Variants in EIF4E observed in about 807,000 individuals in gnomAD.
The protein encoded by EIF4E is eukaryotic translation initiation factor 4E.
For missense variants in EIF4E, 113 were observed against 265.6 expected (o/e 0.43, Z 3.99); for synonymous variants, 71 against 88.5 (o/e 0.80, Z 1.11).
intron 1 of EIF4E, among the ~76,000 whole-genome samples, chr4:98,928,138 AG>A (rs1001275544): frequency 2.0e-5 from 3 of 152,224 alleles, no homozygotes; most frequent in Non-Finnish European, 4.4e-5. Context: ...GGAAGAACAG[AG>A]GGATTGAGAC....
intron 1 of EIF4E, chr4:98,903,589 C>T (rs1430555522): frequency 2.4e-6 from 1 of 408,180 alleles, no homozygotes; most frequent in African/African-American, 2.1e-5. Flanking sequence ...AGCAATCCTC[C>T]CACCTTGGCC....
intron 6 of EIF4E, among the ~76,000 whole-genome samples, chr4:98,883,547 C>T (rs1344933324): frequency 8.6e-5 from 13 of 151,362 alleles, no homozygotes; most frequent in Non-Finnish European, 1.5e-4. Flanking sequence ...TACAGGCGCC[C>T]GCCACCACGC....
chr4:98,896,839 A>C (rs1338188953), intron 2 of EIF4E, among the ~76,000 whole-genome samples: 2 of 152,114 alleles, frequency 1.3e-5, no homozygotes, highest in East Asian at 3.9e-4. Context: ...GTGGTGGTGC[A>C]TGCCTGTGGG....
chr4:98,927,824 C>G (rs563091241), intron 1 of EIF4E, among the ~76,000 whole-genome samples: 4 of 152,134 alleles, frequency 2.6e-5, no homozygotes, highest in Non-Finnish European at 2.9e-5. Flanking sequence ...CTAATAAACC[C>G]CATTATGCAC....
At position 98,887,943 on chromosome 4, in the gene EIF4E, G is replaced by A. The variant is rs544813575; in HGVS notation, c.231C>T (p.Asn77=). Residue 77 remains asparagine (N), a synonymous_variant, in exon 4 of 7, where the codon AAC becomes AAT. Transcript: ENST00000450253. The surrounding 1 kb of genome is among the most constrained non-coding windows in gnomAD (Gnocchi z 4.0). ...TTAAATTACTAGACAACTGGATATG[G>A]TTGTACAGACTAGGTAAAAGAAAAT... ...DTVEDFWALY[N]HIQLSSNLMP... The A allele has an allele frequency of 6.2e-7, 1 of 1,612,172 alleles. No homozygotes were observed. The highest frequency in any genetic ancestry group is 1.1e-5 in the South Asian group (1 of 90,978).
At chr4:98,906,505 T>C (rs1724879709) in intron 1 of EIF4E, among the ~76,000 whole-genome samples, 1 of 152,092 alleles carries the variant, frequency 6.6e-6, no homozygotes, top group South Asian at 2.1e-4. Context: ...TTTACAAAAG[T>C]ATTATATTAG....
intron 1 of EIF4E, among the ~76,000 whole-genome samples, chr4:98,922,736 A>G (rs1450939581): frequency 3.3e-5 from 5 of 152,170 alleles, no homozygotes; most frequent in African/African-American, 1.2e-4. Context: ...CTATAAATCC[A>G]TATCCTTAAT....
rs760201987 is a variant in EIF4E at position 98,921,509 on chromosome 4, C to T, written c.18+7586G>A. 2.6e-4 allele frequency among the ~76,000 whole-genome samples: 40 copies of T among 152,070 alleles called. 1 individual carries two copies. The highest frequency in any genetic ancestry group is 5.0e-4 in the Non-Finnish European group (34 of 68,008). ...TCAGTCTCCCAAGTAGCTAGGACTA[C>T]AGGCACCCGTGACCACGCTTGGCTA... On this transcript the variant is annotated intron_variant, in intron 1 of 6. Coordinates refer to ENST00000450253, the MANE Select transcript of EIF4E (RefSeq NM_001968.5).
At chr4:98,889,873 C>T (rs555297141) in intron 3 of EIF4E, among the ~76,000 whole-genome samples, 3 of 151,992 alleles carry the variant, frequency 2.0e-5, no homozygotes, top group African/African-American at 7.2e-5. Flanking sequence ...ATTTAAGAGT[C>T]CTGAATAAAC....
intron 6 of EIF4E, among the ~76,000 whole-genome samples, chr4:98,883,164 C>A (rs1723770525): frequency 4.0e-5 from 6 of 151,610 alleles, no homozygotes; most frequent in Admixed American, 3.9e-4. Context: ...CCCAGCTATT[C>A]AGGAGGCTGA....
chr4:98,901,323 G>A (rs555189337), intron 2 of EIF4E, among the ~76,000 whole-genome samples: 5 of 151,664 alleles, frequency 3.3e-5, no homozygotes, highest in African/African-American at 9.7e-5. Context: ...TCAGCCTCCC[G>A]AGCAGCTGGG....
At chr4:98,924,081 A>ATT (rs368748064) in intron 1 of EIF4E, among the ~76,000 whole-genome samples, 64 of 146,078 alleles carry the variant, frequency 4.4e-4, no homozygotes, top group South Asian at 1.5e-3. Context: ...TCTTTTGTTT[A>ATT]TTTTTTTTTT....
chr4:98,885,488 C>T (rs1723879726), intron 5 of EIF4E, among the ~76,000 whole-genome samples: 1 of 152,096 alleles, frequency 6.6e-6, no homozygotes, highest in Non-Finnish European at 1.5e-5. Context: ...TGCTCTGTCA[C>T]CCTGGCTGGA....
intron 5 of EIF4E, among the ~76,000 whole-genome samples, chr4:98,885,807 T>C (rs1334226288): frequency 1.3e-5 from 2 of 152,212 alleles, no homozygotes; most frequent in Non-Finnish European, 2.9e-5. Context: ...TAACCACCTT[T>C]AAGTGTACAG....
At chr4:98,885,120 A>T in intron 5 of EIF4E, 59 bp from the exon 6 acceptor site, 1 of 1,565,466 alleles carries the variant, frequency 6.4e-7, no homozygotes, top group Non-Finnish European at 8.7e-7. Flanking sequence ...TTACACTGCA[A>T]ATGTCTCTTC....
In EIF4E at chr4:98,887,865, T is replaced by C. The variant is rs557948266; in HGVS notation, c.285+24A>G. ...AAATGGCCCAGTCCTATAATAAATATATAAAATCACCAATTAAGCATACCT... is the reference window on the plus strand; with the variant it reads ...AAATGGCCCAGTCCTATAATAAATACATAAAATCACCAATTAAGCATACCT... On this transcript the variant is annotated intron_variant, in intron 4 of 6. Coordinates refer to ENST00000450253, the MANE Select transcript of EIF4E (RefSeq NM_001968.5). This position sits in a 1 kb window ranked among gnomAD's most constrained non-coding sequence, Gnocchi z 4.0. 3.9e-5 allele frequency: 63 copies of C among 1,602,886 alleles called. No homozygotes were observed. In the Middle Eastern group the frequency reaches 6.6e-4, roughly 17 times the overall value.
At chr4:98,905,109 A>T (rs188529346) in intron 1 of EIF4E, among the ~76,000 whole-genome samples, 16 of 152,002 alleles carry the variant, frequency 1.1e-4, no homozygotes, top group Non-Finnish European at 2.4e-4. Context: ...TAAAAACAAA[A>T]CTCTACTGCA....
intron 2 of EIF4E, among the ~76,000 whole-genome samples, chr4:98,901,313 T>C (rs1724638733): frequency 6.6e-6 from 1 of 151,570 alleles, no homozygotes; most frequent in Non-Finnish European, 1.5e-5. Context: ...TTATCTCACC[T>C]CAGCCTCCCG....
chr4:98,928,745 G>A (rs1232795590), intron 1 of EIF4E: 3 of 1,100,444 alleles, frequency 2.7e-6, no homozygotes, highest in East Asian at 2.9e-5. Context: ...GCTGGGAGCC[G>A]GCCCTGCGCC....
Sources: gnomAD v4.1 joint callset for allele counts (sites outside exome capture counted in the v4.1 genomes callset) on GRCh38, gnomAD v4.1.1 for gene constraint, Gnocchi (gnomAD v3.1) non-coding constraint, MANE v1.5 for transcripts, NCBI Gene and HGNC (gene_info 2026-07-23, HGNC 2026-07-21) for gene names.